The following CUEDC1 variants were observed in gnomAD, a reference collection of about 807,000 sequenced individuals.
The protein encoded by CUEDC1 is CUE domain containing 1.
Under a neutral mutation model 43.7 loss-of-function variants are expected in CUEDC1, and 30 were observed. That is an observed-to-expected ratio of 0.69 (90% CI 0.51 to 0.93). The LOEUF is 0.93. Ranked by LOEUF, CUEDC1 falls within the 40% of genes least tolerant of loss-of-function variation. The pLI is 0.00. For missense variants in CUEDC1, 486 were observed against 549.0 expected (o/e 0.89, Z 1.15); for synonymous variants, 223 against 223.6 (o/e 1.00, Z 0.02).
chr17:57,889,062 A>G (rs2074328522), intron 1 of CUEDC1, among the ~76,000 whole-genome samples: 1 of 152,186 alleles, frequency 6.6e-6, no homozygotes, highest in African/African-American at 2.4e-5. Context: ...CTTATAGGGA[A>G]CACGCACCAG....
intron 9 of CUEDC1, 85 bp from the exon 10 acceptor site, chr17:57,866,629 C>T: frequency 7.4e-7 from 1 of 1,344,624 alleles, no homozygotes. Flanking sequence ...AGAGAGCTGA[C>T]CCGACTCTCT....
intron 3 of CUEDC1, among the ~76,000 whole-genome samples, chr17:57,874,925 G>A (rs1269309733): frequency 6.6e-6 from 1 of 152,186 alleles, no homozygotes; most frequent in African/African-American, 2.4e-5. Context: ...AGTGCCTGGT[G>A]GGAGCTCAGC....
rs543009232 is a variant in CUEDC1, at chr17:57,866,979, G to A, written c.1093+378C>T. 24 of 370,134 alleles carry A rather than the reference G, an allele frequency of 6.5e-5. No homozygotes were observed. The South Asian group carries it at 6.6e-4, about 10-fold the overall frequency. The allele number at this position is 370,134 out of a possible 1,614,324, so 22.9% of individuals were successfully genotyped here. A position where few individuals can be genotyped will look rare whatever the true frequency, so the allele number is the denominator to read the frequency against. On this transcript the variant is annotated intron_variant, in intron 9 of 10. Transcript: ENST00000577830. Reference sequence around the variant, plus strand: ...ACGTGGCCTTTGGAAGGGACTGGGTGAAAGTTGAGAAGCCTCTGGGCCCAC... The same window carrying A: ...ACGTGGCCTTTGGAAGGGACTGGGTAAAAGTTGAGAAGCCTCTGGGCCCAC...
chr17:57,868,448 G>A (rs2073991114), intron 7 of CUEDC1: 1 of 590,218 alleles, frequency 1.7e-6, no homozygotes, highest in South Asian at 1.9e-5. Context: ...GCTACATCCT[G>A]GGTCAGCCTG....
Position 57,861,810 on chromosome 17 carries a change from C to CA in CUEDC1, c.*1478_*1479insT, listed in dbSNP as rs1021127979. 4.0e-5 allele frequency: 6 copies of CA among 151,296 alleles called. No individual in the cohort carries two copies. The highest frequency in any genetic ancestry group is 1.2e-4 in the African/African-American group (5 of 40,968). 9.4% of individuals were successfully genotyped at this position (151,296 alleles called of 1,614,324 possible). Reference sequence around the variant, plus strand: ...CCGAGGCACTCCTCGGAGACCCCCCCCCCTCCCTCCAGGGCCCCAGGCCTG... The same window carrying CA: ...CCGAGGCACTCCTCGGAGACCCCCCCACCCTCCCTCCAGGGCCCCAGGCCTG... On this transcript the variant is annotated 3_prime_UTR_variant, in exon 11 of 11. Transcript: ENST00000577830.
chr17:57,938,405 C>G (rs1444504014), intron 1 of CUEDC1, among the ~76,000 whole-genome samples: 1 of 152,170 alleles, frequency 6.6e-6, no homozygotes, highest in Non-Finnish European at 1.5e-5. Flanking sequence ...TTCCAACAAA[C>G]AGCTCGCCTG....
chr17:57,952,536 C>T (rs931667517), intron 1 of CUEDC1, among the ~76,000 whole-genome samples: 1 of 152,140 alleles, frequency 6.6e-6, no homozygotes, highest in Admixed American at 6.5e-5. Context: ...CTCCAATGCC[C>T]TTTATAGCTC....
chr17:57,942,968 C>T (rs2074930466), intron 1 of CUEDC1, among the ~76,000 whole-genome samples: 1 of 152,118 alleles, frequency 6.6e-6, no homozygotes, highest in South Asian at 2.1e-4. Context: ...GCGGAGCTTG[C>T]AGTGAGCCGA....
chr17:57,876,613 C>T (rs767013864), intron 3 of CUEDC1, among the ~76,000 whole-genome samples: 13 of 152,212 alleles, frequency 8.5e-5, no homozygotes, highest in Non-Finnish European at 1.8e-4. Context: ...TCAGCACCTG[C>T]GTATGGCAGG....
chr17:57,886,656 A>T (rs2074293565), intron 1 of CUEDC1, among the ~76,000 whole-genome samples: 1 of 152,168 alleles, frequency 6.6e-6, no homozygotes, highest in East Asian at 1.9e-4. Context: ...CAACCCCTGG[A>T]GTTCATTTTC....
intron 1 of CUEDC1, among the ~76,000 whole-genome samples, chr17:57,949,317 G>A (rs2074984370): frequency 1.3e-5 from 2 of 152,214 alleles, no homozygotes; most frequent in Non-Finnish European, 2.9e-5. Context: ...TAGACAGGAG[G>A]CATCTTGAAG....
chr17:57,903,144 C>A (rs1406149416), intron 1 of CUEDC1: 1 of 152,330 alleles, frequency 6.6e-6, no homozygotes, highest in African/African-American at 2.4e-5. Context: ...GTGGGCCAGC[C>A]AGGGAACAGG....
At chr17:57,914,064 C>A (rs1034514097) in intron 1 of CUEDC1, among the ~76,000 whole-genome samples, 1 of 152,220 alleles carries the variant, frequency 6.6e-6, no homozygotes, top group Non-Finnish European at 1.5e-5. Flanking sequence ...GTGGCCCCAA[C>A]AGATGGTGCC....
At chr17:57,889,725 G>A (rs1167860810) in intron 1 of CUEDC1, among the ~76,000 whole-genome samples, 3 of 152,212 alleles carry the variant, frequency 2.0e-5, no homozygotes, top group Admixed American at 6.5e-5. Flanking sequence ...AAGCAGTAAT[G>A]GGAAGCATTT....
intron 1 of CUEDC1, among the ~76,000 whole-genome samples, chr17:57,947,388 T>A (rs2074968910): frequency 6.6e-6 from 1 of 152,232 alleles, no homozygotes; most frequent in Admixed American, 6.5e-5. Context: ...CTTAATCAGA[T>A]TATCTTCCAA....
In CUEDC1 at chr17:57,955,194, G is replaced by GGCGGGAGCC. The variant is rs1322660812; in HGVS notation, c.-316+22_-316+30dup. 2.8e-5 allele frequency: 4 copies of GGCGGGAGCC among 145,162 alleles called. No individual in the cohort carries two copies. Among genetic ancestry groups the GGCGGGAGCC allele is most frequent in the Admixed American group, 2.0e-4 (3 of 14,708 alleles). The allele number at this position is 145,162 out of a possible 1,614,324, so 9.0% of individuals were successfully genotyped here. On this transcript the variant is annotated intron_variant, in intron 1 of 10. Coordinates refer to ENST00000577830, the MANE Select transcript of CUEDC1 (RefSeq NM_001271875.2). This position sits in a 1 kb window ranked among gnomAD's most constrained non-coding sequence, Gnocchi z 5.3. Reference sequence around the variant, plus strand: ...CCGGCGAGGACCGCGCCCGGGGCCGGGCGGGAGCCGCGGGAGCGCGGGGGT... The same window carrying GGCGGGAGCC: ...CCGGCGAGGACCGCGCCCGGGGCCGGGCGGGAGCCGCGGGAGCCGCGGGAGCGCGGGGGT...
chr17:57,936,778 C>T (rs2074865666), intron 1 of CUEDC1, among the ~76,000 whole-genome samples: 1 of 151,918 alleles, frequency 6.6e-6, no homozygotes, highest in South Asian at 2.1e-4. Context: ...CTTCTTCCTG[C>T]ACCCCCAGCC....
rs999494835 is a variant in CUEDC1, at chr17:57,955,149, C to G, written c.-316+76G>C. ...TGGGGCCGCTGGGCCGGGGCCGCGG[C>G]CGGGATTGCGCGCGGGGCGCCGGCG... is the stretch of plus-strand genomic sequence containing the variant. On this transcript the variant is annotated intron_variant, in intron 1 of 10. Coordinates refer to ENST00000577830, the MANE Select transcript of CUEDC1 (RefSeq NM_001271875.2). The surrounding 1 kb of genome is among the most constrained non-coding windows in gnomAD (Gnocchi z 5.3). 2.0e-5 allele frequency: 3 copies of G among 146,844 alleles called. No homozygotes were observed. Among genetic ancestry groups the G allele is most frequent in the Admixed American group, 1.3e-4 (2 of 14,816 alleles). The allele number at this position is 146,844 out of a possible 1,614,324, so 9.1% of individuals were successfully genotyped here. A position where few individuals can be genotyped will look rare whatever the true frequency, so the allele number is the denominator to read the frequency against.
At chr17:57,892,154 T>G (rs1431812238) in intron 1 of CUEDC1, among the ~76,000 whole-genome samples, 2 of 152,148 alleles carry the variant, frequency 1.3e-5, no homozygotes, top group African/African-American at 4.8e-5. Context: ...AAGCCCTCTC[T>G]CCCCTACACA....
Sources: gnomAD v4.1 joint callset for allele counts (sites outside exome capture counted in the v4.1 genomes callset) on GRCh38, gnomAD v4.1.1 for gene constraint, Gnocchi (gnomAD v3.1) non-coding constraint, MANE v1.5 for transcripts, NCBI Gene and HGNC (gene_info 2026-07-23, HGNC 2026-07-21) for gene names.